The following PPP2R5C variants were observed in gnomAD, a reference collection of about 807,000 sequenced individuals.
The protein encoded by PPP2R5C is serine/threonine-protein phosphatase 2A 56 kDa regulatory subunit gamma isoform.
Under a neutral mutation model 68.9 loss-of-function variants are expected in PPP2R5C, and 7 were observed. That is an observed-to-expected ratio of 0.10 (90% CI 0.06 to 0.19). The LOEUF (loss-of-function observed/expected upper bound fraction) is 0.19, where lower values mean the gene tolerates loss of function less well. PPP2R5C is among the 10% of genes least tolerant of loss of function. The pLI is 1.00. For missense variants in PPP2R5C, 348 were observed against 641.3 expected, an observed-to-expected ratio of 0.54 and a Z score of 4.94; for synonymous variants, 210 against 222.2, an observed-to-expected ratio of 0.95 and a Z score of 0.49.
upstream of PPP2R5C, among the ~76,000 whole-genome samples, chr14:101,809,366 T>C (rs1462460888): frequency 6.6e-6 from 1 of 151,002 alleles, no homozygotes; most frequent in Non-Finnish European, 1.5e-5. Flanking sequence ...GGATTAGAAT[T>C]GTGTAATATT....
Position 101,796,285 on chromosome 14 carries a change from T to C in PPP2R5C, c.259+10102T>C, listed in dbSNP as rs77406776. On this transcript the variant is annotated intron_variant, in intron 3 of 14. Coordinates refer to the PPP2R5C transcript ENST00000328724. ...GTTATCGGAGTGCCTGCTGCTCTTC[T>C]AGTCAGCTTAGAAAGAGCCGCGCAG... Among the ~76,000 whole-genome samples, 253 of 152,358 alleles carry C rather than the reference T, an allele frequency of 1.7e-3. 5 individuals are homozygous for C. The East Asian group carries it at 0.04, about 24-fold the overall frequency.
intron 1 of PPP2R5C, among the ~76,000 whole-genome samples, chr14:101,854,693 T>C (rs940481778): frequency 6.6e-6 from 1 of 152,146 alleles, no homozygotes. Context: ...GCAGTGGGTC[T>C]CAGGGCCCCA....
At chr14:101,819,028 C>A (rs773606269) in intron 1 of PPP2R5C, 1 of 1,551,522 alleles carries the variant, frequency 6.4e-7, no homozygotes, top group South Asian at 1.2e-5. Context: ...CCCTAAAGTA[C>A]CACCTCCACT....
rs988051370 is a variant in PPP2R5C, at chr14:101,781,007, C to T, written c.94-5011C>T. Among the ~76,000 whole-genome samples the T allele has an allele frequency of 1.3e-5, 2 of 152,214 alleles. No homozygotes were observed. The highest frequency in any genetic ancestry group is 4.8e-5 in the African/African-American group (2 of 41,450). ...CTTTCCTCTCTGTAAGCTAAGGATG[C>T]GCCAGCTCGGCCTGAACCATGGAAT... On this transcript the variant is annotated intron_variant, in intron 2 of 14. Transcript: ENST00000328724. The surrounding 1 kb of genome is among the most constrained non-coding windows in gnomAD (Gnocchi z 6.4).
intron 9 of PPP2R5C, among the ~76,000 whole-genome samples, chr14:101,903,620 A>G (rs2045846875): frequency 6.6e-6 from 1 of 151,784 alleles, no homozygotes; most frequent in Admixed American, 6.6e-5. Context: ...ATCAGCACAG[A>G]GTACATTCCA....
In PPP2R5C at chr14:101,892,940, A is replaced by G. The variant is rs549463737; in HGVS notation, c.690-60A>G. 18 of 1,272,016 alleles carry G rather than the reference A, an allele frequency of 1.4e-5. No individual in the cohort carries two copies. The South Asian group carries it at 1.9e-4, about 13-fold the overall frequency. 78.8% of individuals were successfully genotyped at this position (1,272,016 alleles called of 1,614,324 possible). On this transcript the variant is annotated intron_variant, in intron 6 of 13. Coordinates refer to ENST00000334743, the Ensembl canonical transcript of PPP2R5C. ...AAAACAAAAATTGAAAGACGGCAAG[A>G]TATTTGTTTAAAACCTGGAATTCGT... is the stretch of plus-strand genomic sequence containing the variant.
rs1268425604 is a variant in PPP2R5C, at chr14:101,917,876, A to G, written c.1372A>G (p.Met458Val). 13 of 1,613,690 alleles carry G rather than the reference A, an allele frequency of 8.1e-6. No individual in the cohort carries two copies. Among genetic ancestry groups the G allele is most frequent in the South Asian group, 4.4e-5 (4 of 91,080 alleles). The change falls in exon 13 of 14, where the codon ATG (methionine) becomes GTG (valine). Residue 458 changes from methionine (M) to valine (V), a missense_variant. This residue lies in a region of PPP2R5C where 118 missense variants were observed against 108.9 expected (regional missense o/e 1.08). Coordinates refer to ENST00000334743, the Ensembl canonical transcript of PPP2R5C. This position sits in a 1 kb window ranked among gnomAD's most constrained non-coding sequence, Gnocchi z 4.4. ...CAGCACCATGAGCATTCCGGTTGCAATGGAGACAGATGGGCCTTTATTTGA... is the reference window on the plus strand; with the variant it reads ...CAGCACCATGAGCATTCCGGTTGCAGTGGAGACAGATGGGCCTTTATTTGA...
Position 101,916,160 on chromosome 14 carries a change from T to C in PPP2R5C, c.1327-1671T>C, listed in dbSNP as rs976936333. 1.3e-5 allele frequency among the ~76,000 whole-genome samples: 2 copies of C among 152,210 alleles called. No homozygotes were observed. The highest frequency in any genetic ancestry group is 2.9e-5 in the Non-Finnish European group (2 of 68,036). ...CCGACTTGCATTTTTGCAAGCTCTT[T>C]GGCGCAGCATGGATGGAGTGCTGGG... On this transcript the variant is annotated intron_variant, in intron 12 of 13. Coordinates refer to ENST00000334743, the Ensembl canonical transcript of PPP2R5C. This position sits in a 1 kb window ranked among gnomAD's most constrained non-coding sequence, Gnocchi z 5.5.
At chr14:101,903,017 T>G (rs2045790734) in intron 9 of PPP2R5C, among the ~76,000 whole-genome samples, 3 of 74,538 alleles carry the variant, frequency 4.0e-5, no homozygotes, top group Middle Eastern at 0.012. Flanking sequence ...TGTTTTGGGT[T>G]TTTTTTTTTT....
intron 13 of PPP2R5C, among the ~76,000 whole-genome samples, chr14:101,919,183 G>A (rs1472125139): frequency 5.9e-5 from 9 of 152,192 alleles, no homozygotes; most frequent in African/African-American, 1.2e-4. Context: ...AAGTCCCCAC[G>A]GCAGCCACGG....
chr14:101,924,046 A>G (rs186452758), intron 13 of PPP2R5C, among the ~76,000 whole-genome samples: 34 of 152,390 alleles, frequency 2.2e-4, no homozygotes, highest in Admixed American at 1.9e-3. Context: ...AACTTTATCC[A>G]GAAAAGTTTC....
rs2046703021 is a variant in PPP2R5C, at chr14:101,916,871, T to C, written c.1327-960T>C. Among the ~76,000 whole-genome samples the C allele has an allele frequency of 6.6e-6, 1 of 152,062 alleles. No individual in the cohort carries two copies. The highest frequency in any genetic ancestry group is 2.4e-5 in the African/African-American group (1 of 41,396). On this transcript the variant is annotated intron_variant, in intron 12 of 13. Coordinates refer to ENST00000334743, the Ensembl canonical transcript of PPP2R5C. This position sits in a 1 kb window ranked among gnomAD's most constrained non-coding sequence, Gnocchi z 5.5. ...GGCAGGAACCCCCGCTCCCCTCTCC[T>C]GAACTCAGAGGCCCTGAGCAAGTTC... is the stretch of plus-strand genomic sequence containing the variant.
At chr14:101,810,283 C>G in intron 1 of PPP2R5C, 1 of 447,574 alleles carries the variant, frequency 2.2e-6, no homozygotes, top group Non-Finnish European at 4.0e-6. Flanking sequence ...TTTCTGCTCG[C>G]TCTCCCATCC....
At chr14:101,816,214 A>G (rs553198759) in intron 1 of PPP2R5C, among the ~76,000 whole-genome samples, 2 of 152,352 alleles carry the variant, frequency 1.3e-5, no homozygotes, top group East Asian at 3.9e-4. Context: ...AGAGCGACAC[A>G]GGTGCCCACT....
At chr14:101,763,797 C>T (rs1272980774) in intron 2 of PPP2R5C, among the ~76,000 whole-genome samples, 1 of 152,200 alleles carries the variant, frequency 6.6e-6, no homozygotes, top group Non-Finnish European at 1.5e-5. Flanking sequence ...AGGGTCATCT[C>T]CCCACCGCCA....
exon 6 of PPP2R5C, chr14:101,890,237 G>A (rs1202391039): frequency 6.2e-7 from 1 of 1,612,138 alleles, no homozygotes; most frequent in Admixed American, 1.7e-5. Flanking sequence ...TTTTTTCTAG[G>A]TTTATTTATG....
In PPP2R5C at chr14:101,781,324, C is replaced by T. The variant is rs2037675454; in HGVS notation, c.94-4694C>T. ...ACCCCTTCAGACCTTCCCCACCCTC[C>T]GAAGCCTCAACCCGCCCTGCGCCTC... is the stretch of plus-strand genomic sequence containing the variant. On this transcript the variant is annotated intron_variant, in intron 2 of 14. Transcript: ENST00000328724. The surrounding 1 kb of genome is among the most constrained non-coding windows in gnomAD (Gnocchi z 6.4). 6.6e-6 allele frequency among the ~76,000 whole-genome samples: 1 copy of T among 152,204 alleles called. No individual in the cohort carries two copies. Among genetic ancestry groups the T allele is most frequent in the Admixed American group, 6.5e-5 (1 of 15,292 alleles).
exon 1 of PPP2R5C, chr14:101,810,005 T>A: frequency 3.1e-6 from 5 of 1,614,006 alleles, no homozygotes; most frequent in Non-Finnish European, 3.4e-6. Context: ...CCAATGGGCC[T>A]TTCCAGCCCG....
chr14:101,877,632 G>A lies in PPP2R5C; in HGVS notation c.295-4529G>A, dbSNP rs1422148791. 2.0e-5 allele frequency among the ~76,000 whole-genome samples: 3 copies of A among 152,058 alleles called. No homozygotes were observed. Among genetic ancestry groups the A allele is most frequent in the Non-Finnish European group, 2.9e-5 (2 of 68,018 alleles). On this transcript the variant is annotated intron_variant, in intron 2 of 13. Coordinates refer to ENST00000334743, the Ensembl canonical transcript of PPP2R5C. This position sits in a 1 kb window ranked among gnomAD's most constrained non-coding sequence, Gnocchi z 4.2. ...TACCTGGGGCTCCTGCCCCTGATTC[G>A]CCCCTGCAGCTTTTGTGTTAAGAAA...
Sources: allele counts gnomAD v4.1 joint callset (sites outside exome capture counted in the v4.1 genomes callset), GRCh38; gene constraint gnomAD v4.1.1; regional missense constraint gnomAD v4.1.1; non-coding constraint Gnocchi (gnomAD v3.1); transcripts MANE v1.5; gene names NCBI Gene and HGNC (gene_info 2026-07-23, HGNC 2026-07-21).